BAIAP2: variants seen among roughly 807,000 people sequenced by gnomAD.
The protein encoded by BAIAP2 is BAR/IMD domain containing adaptor protein 2.
Under a neutral mutation model 63.0 loss-of-function variants are expected in BAIAP2, and 18 were observed. The observed-to-expected ratio is 0.29, with a 90% CI of 0.20 to 0.42. The LOEUF is 0.42. Ranked by LOEUF, BAIAP2 falls within the 10% of genes least tolerant of loss-of-function variation. The probability of loss-of-function intolerance (pLI) is 1.00; values close to 1 mark genes in which losing one functional copy is unlikely to be tolerated. For synonymous variants in BAIAP2, 386 were observed against 307.6 expected (o/e 1.25, Z -2.67); for missense variants, 610 against 734.3 (o/e 0.83, Z 1.96).
chr17:81,059,430 TG>T (rs1016736120), intron 3 of BAIAP2, among the ~76,000 whole-genome samples: 3 of 152,076 alleles, frequency 2.0e-5, no homozygotes, highest in African/African-American at 4.8e-5. Context: ...GCAGAAGCAG[TG>T]GGTGTCTGTG....
intron 3 of BAIAP2, among the ~76,000 whole-genome samples, chr17:81,077,125 T>G (rs945455500): frequency 2.6e-5 from 4 of 152,204 alleles, no homozygotes; most frequent in African/African-American, 9.6e-5. Context: ...GCCGTGAGAC[T>G]GGTTCCCGGA....
At chr17:81,053,576 C>G (rs118158040) in intron 1 of BAIAP2, 92 bp from the exon 2 acceptor site, 17,354 of 1,416,882 alleles carry the variant, frequency 0.012, 153 homozygotes, top group Middle Eastern at 0.032. Context: ...GGAGGGGTGC[C>G]TGCTCTGGGT....
intron 1 of BAIAP2, among the ~76,000 whole-genome samples, chr17:81,043,244 C>T (rs1373014990): frequency 2.0e-5 from 3 of 152,220 alleles, no homozygotes; most frequent in Non-Finnish European, 4.4e-5. Context: ...CTGGGTCCCC[C>T]CATACCCGTT....
At chr17:81,060,406 C>G (rs1280848801) in intron 3 of BAIAP2, among the ~76,000 whole-genome samples, 1 of 152,230 alleles carries the variant, frequency 6.6e-6, no homozygotes, top group Non-Finnish European at 1.5e-5. Flanking sequence ...TCTCTCCGGA[C>G]TGGCCCATTC....
intron 1 of BAIAP2, among the ~76,000 whole-genome samples, chr17:81,051,087 C>T (rs542500682): frequency 1.3e-5 from 2 of 151,970 alleles, no homozygotes; most frequent in East Asian, 2.0e-4. Context: ...GGCCTCCCTG[C>T]CCCGGCTCCC....
chr17:81,086,728 C>CCCT (rs1345132597), intron 6 of BAIAP2, 148 bp downstream of exon 6: 2 of 926,132 alleles, frequency 2.2e-6, no homozygotes, highest in African/African-American at 3.3e-5. Flanking sequence ...ACCTCGGGAG[C>CCCT]GGTGGGCCTG....
At chr17:81,036,903 T>G (rs1210622370) in intron 1 of BAIAP2, 3 of 1,535,816 alleles carry the variant, frequency 2.0e-6, no homozygotes, top group Non-Finnish European at 2.6e-6. Context: ...TTTCCTATTT[T>G]TTCTCCTTCT....
chr17:81,098,323 C>T (rs1315788699), intron 6 of BAIAP2: 3 of 589,374 alleles, frequency 5.1e-6, no homozygotes, highest in Admixed American at 4.4e-5. Context: ...CTCCCCCAAA[C>T]TCCCCCTCTC....
At chr17:81,050,600 G>A (rs1031536939) in intron 1 of BAIAP2, among the ~76,000 whole-genome samples, 5 of 152,170 alleles carry the variant, frequency 3.3e-5, no homozygotes, top group African/African-American at 7.2e-5. Flanking sequence ...GGAGCCAAGC[G>A]CGTGGGGCTC....
chr17:81,035,587 C>T (rs2046118573), intron 1 of BAIAP2, among the ~76,000 whole-genome samples: 1 of 150,346 alleles, frequency 6.7e-6, no homozygotes, highest in Non-Finnish European at 1.5e-5. Flanking sequence ...GGAGCACTCC[C>T]CGCTCCGACG....
chr17:81,089,033 C>T (rs1458604869), intron 6 of BAIAP2, among the ~76,000 whole-genome samples: 1 of 152,254 alleles, frequency 6.6e-6, no homozygotes, highest in African/African-American at 2.4e-5. Context: ...GCCCTGACCG[C>T]ACACCTGGCC....
intron 3 of BAIAP2, among the ~76,000 whole-genome samples, chr17:81,081,174 A>G (rs2054540112): frequency 6.6e-6 from 1 of 152,200 alleles, no homozygotes; most frequent in Non-Finnish European, 1.5e-5. Context: ...CAGGAACACC[A>G]TGAAAACCGC....
rs182452346 is a variant in BAIAP2 at position 81,090,659 on chromosome 17, C to T, written c.489+4079C>T. On this transcript the variant is annotated intron_variant, in intron 6 of 13. Transcript: ENST00000428708. ...CCTGGAAGCCCAGGAGGCCAGGCCTCGGAGCCGTCAGCATCCCCAGCCCCA... is the reference window on the plus strand; with the variant it reads ...CCTGGAAGCCCAGGAGGCCAGGCCTTGGAGCCGTCAGCATCCCCAGCCCCA... Among the ~76,000 whole-genome samples the T allele has an allele frequency of 7.8e-3, 1,193 of 152,356 alleles. 9 individuals are homozygous for T. Among genetic ancestry groups the T allele is most frequent in the South Asian group, 0.022 (107 of 4,834 alleles).
In BAIAP2 at chr17:81,105,188, A is replaced by G. The variant is rs181845680; in HGVS notation, c.1268+473A>G. 6.4e-3 allele frequency: 1,081 copies of G among 167,776 alleles called. 14 individuals are homozygous for G. The highest frequency in any genetic ancestry group is 0.037 in the South Asian group (289 of 7,854). 10.4% of individuals were successfully genotyped at this position (167,776 alleles called of 1,614,324 possible). A position where few individuals can be genotyped will look rare whatever the true frequency, so the allele number is the denominator to read the frequency against. On this transcript the variant is annotated intron_variant, in intron 10 of 13. Coordinates refer to ENST00000428708, the MANE Select transcript of BAIAP2 (RefSeq NM_001144888.2). ...CCCCAATGGCAGGGGTCTCCCCCCA[A>G]TGGCTCGGGTCTCCCCCACATGGCT...
rs530567341 is a variant in BAIAP2 at position 81,049,756 on chromosome 17, G to T, written c.55-3912G>T. Among the ~76,000 whole-genome samples the T allele has an allele frequency of 2.0e-5, 3 of 152,338 alleles. No individual in the cohort carries two copies. In the South Asian group the frequency reaches 6.2e-4, roughly 32 times the overall value. On this transcript the variant is annotated intron_variant, in intron 1 of 13. Transcript: ENST00000428708. ...GTCACTGGCTCCCCTGCCCCCACCT[G>T]GGGACCCCCAGGCACTGCAAAGTGC...
At chr17:81,085,539 C>T in intron 4 of BAIAP2, 115 bp from the exon 5 acceptor site, 1 of 865,060 alleles carries the variant, frequency 1.2e-6, no homozygotes, top group Non-Finnish European at 1.9e-6. Context: ...GGGGCCCCTC[C>T]TGCACAGCCG....
At chr17:81,083,819 T>A (rs2055068840) in intron 3 of BAIAP2, 1 of 152,310 alleles carries the variant, frequency 6.6e-6, no homozygotes, top group Admixed American at 6.5e-5. Context: ...GGGAAACATC[T>A]GGGTGAAAAG....
chr17:81,098,905 C>T lies in BAIAP2; in HGVS notation c.490-1023C>T, dbSNP rs369673102. On this transcript the variant is annotated intron_variant, in intron 6 of 13. Transcript: ENST00000428708. ...CTGTCTTTCCTGTGCCCAAGAGCACCTGCCAGGGCTGAGGGTTTTCCAAAG... is the reference window on the plus strand; with the variant it reads ...CTGTCTTTCCTGTGCCCAAGAGCACTTGCCAGGGCTGAGGGTTTTCCAAAG... 3.4e-3 allele frequency among the ~76,000 whole-genome samples: 524 copies of T among 152,292 alleles called. 8 individuals carry two copies. In the South Asian group the frequency reaches 0.039, roughly 11 times the overall value.
chr17:81,111,214 G>A lies in BAIAP2; in HGVS notation c.1535+2705G>A, dbSNP rs147908217. On this transcript the variant is annotated intron_variant, in intron 13 of 13. Transcript: ENST00000428708. ...TGCCCGGGGCTCCTCTCACTGCTGGGTGTGGCTCTGGCCCTGACCTTCTGT... is the reference window on the plus strand; with the variant it reads ...TGCCCGGGGCTCCTCTCACTGCTGGATGTGGCTCTGGCCCTGACCTTCTGT... Among the ~76,000 whole-genome samples, 315 of 152,370 alleles carry A rather than the reference G, an allele frequency of 2.1e-3. 1 individual carries two copies. The highest frequency in any genetic ancestry group is 7.0e-3 in the African/African-American group (292 of 41,590).
Sources: allele counts gnomAD v4.1 joint callset (sites outside exome capture counted in the v4.1 genomes callset), GRCh38; gene constraint gnomAD v4.1.1; transcripts MANE v1.5; gene names NCBI Gene and HGNC (gene_info 2026-07-23, HGNC 2026-07-21).